PLCH1: variants seen among roughly 807,000 people sequenced by gnomAD.
PLCH1 encodes phospholipase C eta 1.
In PLCH1, 60 loss-of-function variants were observed where a neutral mutation model predicts 126.7. The ratio of observed to expected loss-of-function variants is 0.47; its 90% confidence interval spans 0.38 to 0.59. The LOEUF (loss-of-function observed/expected upper bound fraction) is 0.59, where lower values mean the gene tolerates loss of function less well. Ranked by LOEUF, PLCH1 falls within the 20% of genes least tolerant of loss-of-function variation. The probability of loss-of-function intolerance (pLI) is 0.00; values close to 1 mark genes in which losing one functional copy is unlikely to be tolerated. For missense variants in PLCH1, 1,723 were observed against 2,040.0 expected, an observed-to-expected ratio of 0.84 and a Z score of 2.99; for synonymous variants, 719 against 734.9, an observed-to-expected ratio of 0.98 and a Z score of 0.35.
chr3:155,598,097 T>G (rs547672606), intron 2 of PLCH1, among the ~76,000 whole-genome samples: 1 of 151,962 alleles, frequency 6.6e-6, no homozygotes, highest in East Asian at 1.9e-4. Context: ...GGCAGGAGAA[T>G]TGCTTGAACC....
chr3:155,643,790 TA>T (rs1455479360), intron 2 of PLCH1, among the ~76,000 whole-genome samples: 1 of 152,236 alleles, frequency 6.6e-6, no homozygotes, highest in Non-Finnish European at 1.5e-5. Flanking sequence ...ACATGTTCAG[TA>T]AATATTTGCT....
rs578247564 is a variant in PLCH1, at chr3:155,486,537, A to G, written c.2620-827T>C. Among the ~76,000 whole-genome samples the G allele has an allele frequency of 5.1e-3, 314 of 61,700 alleles. 2 individuals carry two copies. The highest frequency in any genetic ancestry group is 0.018 in the Middle Eastern group (1 of 56). 40.5% of individuals were successfully genotyped at this position (61,700 alleles called of 152,430 possible). A position where few individuals can be genotyped will look rare whatever the true frequency, so the allele number is the denominator to read the frequency against. On this transcript the variant is annotated intron_variant, in intron 21 of 22. Coordinates refer to ENST00000460012, the MANE Select transcript of PLCH1 (RefSeq NM_014996.4). ...TGTTTTTTTTTTTTTTTTTTTTTTG[A>G]GACGGAGTCTCGCTCTGTCGCCCAG...
chr3:155,519,773 C>T (rs1196440863), intron 11 of PLCH1, among the ~76,000 whole-genome samples: 1 of 137,128 alleles, frequency 7.3e-6, no homozygotes, highest in African/African-American at 2.9e-5. Flanking sequence ...AGTTGAGGAC[C>T]TTTGCTTTAA....
chr3:155,458,157 C>T (rs1354642529), intron 21 of PLCH1, among the ~76,000 whole-genome samples: 1 of 151,942 alleles, frequency 6.6e-6, no homozygotes, highest in African/African-American at 2.4e-5. Flanking sequence ...CCCTGGCCAA[C>T]ATGGTGAAAC....
At chr3:155,710,560 C>T (rs1034347348) in intron 1 of PLCH1, among the ~76,000 whole-genome samples, 2 of 152,058 alleles carry the variant, frequency 1.3e-5, no homozygotes, top group African/African-American at 2.4e-5. Flanking sequence ...TGGCTGGGTG[C>T]GGTGGCCCAT....
chr3:155,719,497 C>A (rs1303280271), intron 1 of PLCH1, among the ~76,000 whole-genome samples: 3 of 151,516 alleles, frequency 2.0e-5, no homozygotes, highest in Non-Finnish European at 4.4e-5. Flanking sequence ...CACATGTACC[C>A]TAGAACTTAA....
At chr3:155,655,132 T>A (rs1741200794) in intron 2 of PLCH1, among the ~76,000 whole-genome samples, 1 of 152,156 alleles carries the variant, frequency 6.6e-6, no homozygotes. Context: ...CTTCTTGGAT[T>A]CTTCTACCTA....
intron 1 of PLCH1, among the ~76,000 whole-genome samples, chr3:155,726,383 G>A (rs1748322155): frequency 6.6e-6 from 1 of 152,082 alleles, no homozygotes; most frequent in Non-Finnish European, 1.5e-5. Context: ...ATTTCCCACA[G>A]TACATGAAAG....
intron 10 of PLCH1, among the ~76,000 whole-genome samples, chr3:155,526,394 TTC>T (rs1189715318): frequency 1.1e-5 from 1 of 94,870 alleles, no homozygotes; most frequent in Non-Finnish European, 2.0e-5. Flanking sequence ...TCTCTCTTCT[TTC>T]TCTCTCTCTC....
chr3:155,706,305 T>C (rs972247927), intron 1 of PLCH1, among the ~76,000 whole-genome samples: 1 of 143,564 alleles, frequency 7.0e-6, no homozygotes, highest in African/African-American at 2.6e-5. Context: ...GGCCAATTGG[T>C]GAAACCGTGT....
chr3:155,594,316 A>C, intron 3 of PLCH1, 132 bp from the exon 4 acceptor site: 1 of 829,582 alleles, frequency 1.2e-6, no homozygotes, highest in Non-Finnish European at 1.8e-6. Flanking sequence ...CACGCTTGTA[A>C]TCCTAGCAGT....
In PLCH1 at chr3:155,554,152, C is replaced by G. The variant is rs1401239277; in HGVS notation, c.1114G>C (p.Gly372Arg). ...AGAATTTTTGAAGTGAGAGTGTAAC[C>G]ATGATGTACTACTGGCTCTCCATCT... ...GPDGEPVVHH[G>R]YTLTSKILFR... is the part of the protein sequence containing the mutation. The change falls in exon 9 of 23, where the codon GGT becomes CGT. Residue 372 changes from glycine (G) to arginine (R), a missense_variant. Coordinates refer to ENST00000460012, the MANE Select transcript of PLCH1 (RefSeq NM_014996.4). The G allele has an allele frequency of 6.2e-7, 1 of 1,613,638 alleles. No individual in the cohort carries two copies. The highest frequency in any genetic ancestry group is 1.3e-5 in the African/African-American group (1 of 74,908).
intron 21 of PLCH1, among the ~76,000 whole-genome samples, chr3:155,463,714 A>G (rs2107975619): frequency 6.6e-6 from 1 of 152,364 alleles, no homozygotes; most frequent in Non-Finnish European, 1.5e-5. Context: ...TACACATGGC[A>G]AATGACTAGT....
intron 7 of PLCH1, among the ~76,000 whole-genome samples, chr3:155,566,417 G>A (rs1317911556): frequency 2.0e-5 from 3 of 148,914 alleles, no homozygotes; most frequent in Non-Finnish European, 4.5e-5. Context: ...TTTTGACTAG[G>A]TAGAGGAGGG....
chr3:155,516,890 C>T (rs1218136423), intron 11 of PLCH1, among the ~76,000 whole-genome samples: 1 of 151,976 alleles, frequency 6.6e-6, no homozygotes, highest in Non-Finnish European at 1.5e-5. Context: ...CAAGCAGGAA[C>T]AAGTAGAGAG....
chr3:155,636,861 T>C (rs1008729906), intron 2 of PLCH1, among the ~76,000 whole-genome samples: 1 of 152,108 alleles, frequency 6.6e-6, no homozygotes, highest in African/African-American at 2.4e-5. Context: ...TGTAGATATA[T>C]TGAAAAAAAT....
chr3:155,743,917 G>A (rs1208576109), intron 1 of PLCH1, among the ~76,000 whole-genome samples: 1 of 152,154 alleles, frequency 6.6e-6, no homozygotes, highest in Admixed American at 6.5e-5. Flanking sequence ...TCGGGACAGA[G>A]GGGGATTTCA....
At chr3:155,558,925 T>C (rs576202373) in intron 8 of PLCH1, among the ~76,000 whole-genome samples, 1 of 152,178 alleles carries the variant, frequency 6.6e-6, no homozygotes, top group East Asian at 1.9e-4. Context: ...ACCACAGAGA[T>C]CATGTCACCA....
Position 155,566,320 on chromosome 3 carries a change from CAT to C in PLCH1, c.866-1204_866-1203del, listed in dbSNP as rs1491241256. Among the ~76,000 whole-genome samples the C allele has an allele frequency of 1.3e-3, 6 of 4,788 alleles. 1 individual carries two copies. Among genetic ancestry groups the C allele is most frequent in the Admixed American group, 5.6e-3 (2 of 356 alleles). 3.1% of individuals were successfully genotyped at this position (4,788 alleles called of 152,430 possible). ...ATATACACATATATATACATATATA[CAT>C]ATATATACGTATATATACACATATA... On this transcript the variant is annotated intron_variant, in intron 7 of 22. Transcript: ENST00000460012.
Sources: allele counts gnomAD v4.1 joint callset (sites outside exome capture counted in the v4.1 genomes callset), GRCh38; gene constraint gnomAD v4.1.1; transcripts MANE v1.5; gene names NCBI Gene and HGNC (gene_info 2026-07-23, HGNC 2026-07-21).